UBR3: variants seen among roughly 807,000 people sequenced by gnomAD.
The protein encoded by UBR3 is E3 ubiquitin-protein ligase UBR3.
A neutral mutation model predicts 243.2 loss-of-function variants in UBR3; 85 were observed. That is an observed-to-expected ratio of 0.35 (90% confidence interval 0.29 to 0.42). The LOEUF (loss-of-function observed/expected upper bound fraction) is 0.42, where lower values mean the gene tolerates loss of function less well. Ranked by LOEUF, UBR3 falls within the 10% of genes least tolerant of loss-of-function variation. The pLI is 1.00. For synonymous variants in UBR3, 748 were observed against 799.8 expected, an observed-to-expected ratio of 0.94 and a Z score of 1.09; for missense variants, 1,686 against 2,300.8, an observed-to-expected ratio of 0.73 and a Z score of 5.47.
At chr2:169,939,372 C>T (rs1170033729) in intron 19 of UBR3, among the ~76,000 whole-genome samples, 1 of 151,666 alleles carries the variant, frequency 6.6e-6, no homozygotes, top group African/African-American at 2.4e-5. Context: ...CATTCTCCTG[C>T]CTCAGCCTCC....
At chr2:170,048,793 C>T (rs1020037305) in intron 32 of UBR3, among the ~76,000 whole-genome samples, 1 of 152,238 alleles carries the variant, frequency 6.6e-6, no homozygotes, top group Admixed American at 6.5e-5. Context: ...TTACTAAGAT[C>T]TTTGGTAAGA....
intron 5 of UBR3, among the ~76,000 whole-genome samples, chr2:169,884,987 A>C (rs2084034512): frequency 6.6e-6 from 1 of 152,220 alleles, no homozygotes; most frequent in Non-Finnish European, 1.5e-5. Context: ...TTGAACAAAT[A>C]ACTATTTTAT....
intron 31 of UBR3, among the ~76,000 whole-genome samples, chr2:170,034,502 G>A (rs2090772144): frequency 6.6e-6 from 1 of 151,808 alleles, no homozygotes; most frequent in Non-Finnish European, 1.5e-5. Flanking sequence ...TCTTCTCATG[G>A]CTTGATAGCT....
chr2:170,007,642 T>C (rs1312273146), intron 28 of UBR3, among the ~76,000 whole-genome samples: 1 of 151,928 alleles, frequency 6.6e-6, no homozygotes, highest in East Asian at 1.9e-4. Flanking sequence ...GACAGACAGA[T>C]CACTTAAGGT....
chr2:169,882,390 A>T (rs2083923984), intron 5 of UBR3, among the ~76,000 whole-genome samples: 1 of 141,634 alleles, frequency 7.1e-6, no homozygotes. Flanking sequence ...ATATATAAAA[A>T]TATATATATA....
At chr2:169,919,099 A>G (rs1574200524) in intron 11 of UBR3, among the ~76,000 whole-genome samples, 1 of 152,174 alleles carries the variant, frequency 6.6e-6, no homozygotes, top group South Asian at 2.1e-4. Context: ...CGGCAGGGGG[A>G]ATAGTGTATA....
At chr2:169,860,927 A>G (rs2083065668) in intron 1 of UBR3, among the ~76,000 whole-genome samples, 1 of 152,208 alleles carries the variant, frequency 6.6e-6, no homozygotes, top group Admixed American at 6.5e-5. Context: ...CTGTGGCCAC[A>G]GGCCCGAGAG....
At position 169,888,003 on chromosome 2, in the gene UBR3, C is replaced by T. The variant is rs1287761333; in HGVS notation, c.1039-3162C>T. Among the ~76,000 whole-genome samples, 8 of 151,574 alleles carry T rather than the reference C, an allele frequency of 5.3e-5. No individual in the cohort carries two copies. In the East Asian group the frequency reaches 5.8e-4, roughly 11 times the overall value. On this transcript the variant is annotated intron_variant, in intron 5 of 38. Coordinates refer to ENST00000272793, the MANE Select transcript of UBR3 (RefSeq NM_172070.4). ...GTTGGTCAGGCTGATCTCAAACTCC[C>T]GACCTCAGGTGATCCGCCCACCTCT...
At chr2:169,848,273 GATTTT>G (rs1253685332) in intron 1 of UBR3, among the ~76,000 whole-genome samples, 2 of 149,484 alleles carry the variant, frequency 1.3e-5, no homozygotes, top group Non-Finnish European at 3.0e-5. Flanking sequence ...TTTAGATACA[GATTTT>G]ATTTAATTTA....
chr2:169,847,317 A>G (rs2105290065), intron 1 of UBR3, among the ~76,000 whole-genome samples: 1 of 152,198 alleles, frequency 6.6e-6, no homozygotes, highest in South Asian at 2.1e-4. Context: ...CAGACTTTTT[A>G]AAATGTTTCC....
At position 170,079,881 on chromosome 2, in the gene UBR3, C is replaced by A. The variant is rs761629368; in HGVS notation, c.5267C>A (p.Thr1756Asn). 3 of 1,613,910 alleles carry A rather than the reference C, an allele frequency of 1.9e-6. No homozygotes were observed. Among genetic ancestry groups the A allele is most frequent in the Non-Finnish European group, 2.5e-6 (3 of 1,179,966 alleles). ...CTACAGTTGCCTGAGAATTATAACA[C>A]CATTTTTCAGTACTACCACAGAAAA... ...HLLQLPENYN[T>N]IFQYYHRKTC... is the part of the protein sequence containing the mutation. The change falls in exon 37 of 39, where the codon ACC (threonine) becomes AAC (asparagine). Residue 1756 changes from threonine to asparagine, a missense_variant. This residue lies in a region of UBR3 where 89 missense variants were observed against 183.3 expected (regional missense o/e 0.49). Transcript: ENST00000272793.
chr2:169,908,407 T>C (rs1176774399), intron 10 of UBR3, among the ~76,000 whole-genome samples: 3 of 152,204 alleles, frequency 2.0e-5, no homozygotes, highest in Admixed American at 1.3e-4. Flanking sequence ...TCAGGTTTGT[T>C]TTCATAGTGT....
Position 170,008,790 on chromosome 2 carries a change from G to T in UBR3, c.4231-14G>T. The T allele has an allele frequency of 1.7e-6, 2 of 1,165,976 alleles. No homozygotes were observed. The highest frequency in any genetic ancestry group is 1.6e-5 in the South Asian group (1 of 63,220). The allele number at this position is 1,165,976 out of a possible 1,614,324, so 72.2% of individuals were successfully genotyped here. On this transcript the variant is annotated splice_polypyrimidine_tract_variant and intron_variant, in intron 28 of 38. Transcript: ENST00000272793. ...GAATATAAACTTTATATGTATGTTTGCATTTTTTTATAGTCAGAAACAAAT... is the reference window on the plus strand; with the variant it reads ...GAATATAAACTTTATATGTATGTTTTCATTTTTTTATAGTCAGAAACAAAT...
chr2:170,077,230 C>A, intron 36 of UBR3: 1 of 720,094 alleles, frequency 1.4e-6, no homozygotes, highest in Non-Finnish European at 2.6e-6. Flanking sequence ...GCTGTCAGAC[C>A]AGTAAGACTG....
At chr2:169,956,197 C>A (rs1185730616) in intron 23 of UBR3, among the ~76,000 whole-genome samples, 2 of 88,370 alleles carry the variant, frequency 2.3e-5, no homozygotes, top group Non-Finnish European at 5.2e-5. Context: ...ATACCTGACA[C>A]CTATAACTCT....
intron 3 of UBR3, 121 bp downstream of exon 3, chr2:169,876,070 T>TCTCTTAATAACTTCC: frequency 1.1e-6 from 1 of 922,740 alleles, no homozygotes; most frequent in Non-Finnish European, 1.5e-6. Context: ...AGCTGGAAGT[T>TCTCTTAATAACTTCC]ATTAAGAGAA....
At chr2:169,845,688 C>T (rs975782834) in intron 1 of UBR3, among the ~76,000 whole-genome samples, 31 of 151,392 alleles carry the variant, frequency 2.0e-4, no homozygotes, top group African/African-American at 7.3e-4. Flanking sequence ...CGGGTTCAAG[C>T]GATTCTTGTG....
At chr2:169,961,818 T>C (rs2087586531) in intron 24 of UBR3, among the ~76,000 whole-genome samples, 1 of 152,024 alleles carries the variant, frequency 6.6e-6, no homozygotes. Context: ...TAGTGCTCAA[T>C]GAGCCTTTTC....
At chr2:169,996,242 G>T (rs2089473174) in intron 26 of UBR3, among the ~76,000 whole-genome samples, 2 of 152,198 alleles carry the variant, frequency 1.3e-5, no homozygotes, top group African/African-American at 4.8e-5. Flanking sequence ...GGGAGGTATT[G>T]TGTAGAGTAG....
Sources: allele counts gnomAD v4.1 joint callset (sites outside exome capture counted in the v4.1 genomes callset), GRCh38; gene constraint gnomAD v4.1.1; regional missense constraint gnomAD v4.1.1; transcripts MANE v1.5; gene names NCBI Gene and HGNC (gene_info 2026-07-23, HGNC 2026-07-21).